CRTAC1: variants seen among roughly 807,000 people sequenced by gnomAD.
CRTAC1 encodes cartilage acidic protein 1.
In CRTAC1, 37 loss-of-function variants were observed where a neutral mutation model predicts 67.8. The observed-to-expected ratio is 0.55, with a 90% CI of 0.42 to 0.72. The LOEUF is 0.72. Among genes scored for constraint, CRTAC1 ranks in the 30% least tolerant of loss-of-function variants. CRTAC1 has a pLI of 0.00. For missense variants in CRTAC1, 780 were observed against 931.6 expected, an observed-to-expected ratio of 0.84 and a Z score of 2.12; for synonymous variants, 348 against 371.0, an observed-to-expected ratio of 0.94 and a Z score of 0.71.
intron 2 of CRTAC1, 41 bp downstream of exon 2, chr10:98,011,097 T>C: frequency 6.3e-7 from 1 of 1,576,300 alleles, no homozygotes; most frequent in Non-Finnish European, 8.7e-7. Context: ...TACAGCAAAA[T>C]CTGATTAATA....
Position 97,865,443 on chromosome 10 carries a change from G to C in CRTAC1, c.*105C>G. On this transcript the variant is annotated 3_prime_UTR_variant, in exon 15 of 15. Coordinates refer to ENST00000370597, the MANE Select transcript of CRTAC1 (RefSeq NM_018058.7). ...ATGTGCATGGATGGGCTTGGGGAGG[G>C]TCTAGCTCCCAGGCCTTTACATCCC... 1 of 1,394,160 alleles carries C rather than the reference G, an allele frequency of 7.2e-7. No individual in the cohort carries two copies. The allele number at this position is 1,394,160 out of a possible 1,614,324, so 86.4% of individuals were successfully genotyped here.
intron 2 of CRTAC1, among the ~76,000 whole-genome samples, chr10:97,969,453 CCT>C (rs1241992461): frequency 6.6e-6 from 1 of 152,192 alleles, no homozygotes; most frequent in African/African-American, 2.4e-5. Context: ...TCTTTCTCCT[CCT>C]CTCTTTCTCC....
At chr10:97,983,146 C>A (rs1300489427) in intron 2 of CRTAC1, among the ~76,000 whole-genome samples, 1 of 152,218 alleles carries the variant, frequency 6.6e-6, no homozygotes, top group Non-Finnish European at 1.5e-5. Flanking sequence ...ATGCCCACTA[C>A]AGGGAGGAAG....
rs149085172 is a variant in CRTAC1, at chr10:97,950,949, G to T, written c.225-14583C>A. On this transcript the variant is annotated intron_variant, in intron 2 of 14. Transcript: ENST00000370597. ...GAAGTCACGGCTTGAGGAAGGAGAA[G>T]TTGGAGCAGCAACTGAGAAGCTAGC... is the stretch of plus-strand genomic sequence containing the variant. Among the ~76,000 whole-genome samples the T allele has an allele frequency of 1.2e-3, 182 of 152,312 alleles. 1 individual carries two copies. Among genetic ancestry groups the T allele is most frequent in the African/African-American group, 4.0e-3 (166 of 41,578 alleles).
intron 2 of CRTAC1, among the ~76,000 whole-genome samples, chr10:97,955,661 A>T (rs1045749744): frequency 6.6e-6 from 1 of 152,228 alleles, no homozygotes; most frequent in Non-Finnish European, 1.5e-5. Context: ...ATGTTTATCC[A>T]GAACAGGCAG....
At chr10:97,891,760 C>T (rs1390032175) in intron 11 of CRTAC1, among the ~76,000 whole-genome samples, 1 of 152,220 alleles carries the variant, frequency 6.6e-6, no homozygotes, top group Non-Finnish European at 1.5e-5. Context: ...CCATTGCTGG[C>T]TCCCCCATCG....
chr10:97,870,079 G>T (rs2050075035), intron 14 of CRTAC1: 1 of 152,214 alleles, frequency 6.6e-6, no homozygotes, highest in Non-Finnish European at 1.5e-5. Context: ...TAGACCCGAG[G>T]CGTTCAACCT....
At chr10:97,880,098 G>T in intron 14 of CRTAC1, 151 bp downstream of exon 14, 2 of 898,680 alleles carry the variant, frequency 2.2e-6, no homozygotes, top group Non-Finnish European at 3.4e-6. Flanking sequence ...CTCTGTCATG[G>T]TCTTCCCTGG....
At chr10:98,009,813 T>C (rs1161317514) in intron 2 of CRTAC1, among the ~76,000 whole-genome samples, 3 of 152,200 alleles carry the variant, frequency 2.0e-5, no homozygotes, top group Non-Finnish European at 2.9e-5. Context: ...CAGTGTAGTT[T>C]GGCAGCTGTA....
intron 6 of CRTAC1, among the ~76,000 whole-genome samples, chr10:97,905,606 A>G (rs766644046): frequency 6.6e-6 from 1 of 152,198 alleles, no homozygotes; most frequent in Non-Finnish European, 1.5e-5. Context: ...ACGTTCCATG[A>G]GGTCAAGACT....
chr10:97,905,978 AC>A (rs1467548044), intron 6 of CRTAC1, among the ~76,000 whole-genome samples: 1 of 152,116 alleles, frequency 6.6e-6, no homozygotes, highest in Non-Finnish European at 1.5e-5. Context: ...CTAAGCACCC[AC>A]CCACGTTGAC....
intron 5 of CRTAC1, among the ~76,000 whole-genome samples, chr10:97,910,629 G>C (rs2050677565): frequency 6.6e-6 from 1 of 152,210 alleles, no homozygotes; most frequent in African/African-American, 2.4e-5. Context: ...ATGGGGCAGA[G>C]GTTTCCCCAA....
At chr10:98,005,100 A>ATTTTTTTTTTTTTTTTTTTTTTTTT (rs10683960) in intron 2 of CRTAC1, among the ~76,000 whole-genome samples, 1 of 48,926 alleles carries the variant, frequency 2.0e-5, no homozygotes, top group African/African-American at 1.2e-4. Flanking sequence ...ATATATATAT[A>ATTTTTTTTTTTTTTTTTTTTTTTTT]TTTTTTTTTT....
At chr10:97,874,868 C>T (rs972662786) in intron 14 of CRTAC1, among the ~76,000 whole-genome samples, 1 of 152,170 alleles carries the variant, frequency 6.6e-6, no homozygotes, top group African/African-American at 2.4e-5. Flanking sequence ...TCCCGGATGG[C>T]CTTGATGTTA....
At chr10:97,879,805 C>T in intron 14 of CRTAC1, 2 of 1,191,748 alleles carry the variant, frequency 1.7e-6, no homozygotes, top group Non-Finnish European at 2.1e-6. Context: ...ACTTGAGCTG[C>T]AAAAACGATG....
chr10:97,926,862 C>A (rs1030525969), intron 3 of CRTAC1, among the ~76,000 whole-genome samples: 4 of 152,176 alleles, frequency 2.6e-5, no homozygotes, highest in African/African-American at 9.7e-5. Flanking sequence ...TTCCAGATGC[C>A]TGGGAGCCTC....
intron 14 of CRTAC1, among the ~76,000 whole-genome samples, chr10:97,871,865 G>C (rs1796032620): frequency 6.6e-6 from 1 of 152,176 alleles, no homozygotes; most frequent in Admixed American, 6.5e-5. Flanking sequence ...AATTAGCTTT[G>C]CAGGGGCATG....
intron 5 of CRTAC1, among the ~76,000 whole-genome samples, chr10:97,909,205 C>T (rs1270226340): frequency 6.6e-6 from 1 of 152,074 alleles, no homozygotes; most frequent in Non-Finnish European, 1.5e-5. Flanking sequence ...AACAAACCAC[C>T]CCCACCCAGT....
chr10:97,938,048 G>T (rs1590222983), intron 2 of CRTAC1, among the ~76,000 whole-genome samples: 2 of 152,386 alleles, frequency 1.3e-5, no homozygotes, highest in South Asian at 4.1e-4. Flanking sequence ...TTTGGGGGAT[G>T]CTGAGCAGCT....
Sources: allele counts gnomAD v4.1 joint callset (sites outside exome capture counted in the v4.1 genomes callset), GRCh38; gene constraint gnomAD v4.1.1; transcripts MANE v1.5; gene names NCBI Gene and HGNC (gene_info 2026-07-23, HGNC 2026-07-21).